The following SHISA9 variants were observed in gnomAD, a reference collection of about 807,000 sequenced individuals.
The protein encoded by SHISA9 is shisa family member 9, also known as protein shisa-9.
Under a neutral mutation model 38.0 loss-of-function variants are expected in SHISA9, and 13 were observed. The ratio of observed to expected loss-of-function variants is 0.34; its 90% CI spans 0.22 to 0.54. SHISA9 has a LOEUF of 0.54. SHISA9 is among the 20% of genes least tolerant of loss of function. The pLI is 0.91. For synonymous variants in SHISA9, 275 were observed against 242.0 expected (o/e 1.14, Z -1.27); for missense variants, 538 against 575.8 (o/e 0.93, Z 0.67).
chr16:13,503,499 G>A, the SHISA9 span, among the ~76,000 whole-genome samples: 1 of 152,144 alleles, frequency 6.6e-6, no homozygotes, highest in African/African-American at 2.4e-5. Context: ...TAATGTTTAA[G>A]ACATGGCTAC....
At chr16:13,093,256 A>G (rs146564173) in intron 2 of SHISA9, among the ~76,000 whole-genome samples, 3 of 152,184 alleles carry the variant, frequency 2.0e-5, no homozygotes, top group Non-Finnish European at 4.4e-5. Flanking sequence ...AGAAACTTCT[A>G]TCGTAGATCC....
the SHISA9 span, among the ~76,000 whole-genome samples, chr16:13,351,591 A>T: frequency 6.6e-6 from 1 of 152,162 alleles, no homozygotes; most frequent in Non-Finnish European, 1.5e-5. Context: ...GGATAAATCA[A>T]CACTTGCCCA....
intron 2 of SHISA9, among the ~76,000 whole-genome samples, chr16:13,156,029 C>T (rs959990682): frequency 1.3e-5 from 2 of 152,138 alleles, no homozygotes; most frequent in Admixed American, 6.5e-5. Flanking sequence ...AGCAAAAAAA[C>T]GCAAGCTGGG....
At chr16:13,203,617 CT>C in intron 3 of SHISA9, 68 bp downstream of exon 3, 1 of 1,363,020 alleles carries the variant, frequency 7.3e-7, no homozygotes. Context: ...TCTTGTAGAT[CT>C]CTTTATCTCC....
the SHISA9 span, among the ~76,000 whole-genome samples, chr16:13,537,671 T>A: frequency 6.2e-4 from 95 of 152,270 alleles, no homozygotes; most frequent in African/African-American, 2.2e-3. Flanking sequence ...GTGGGACAAT[T>A]GTATCTTGAT....
the SHISA9 span, among the ~76,000 whole-genome samples, chr16:13,342,829 T>C: frequency 1.3e-5 from 2 of 152,108 alleles, no homozygotes; most frequent in Non-Finnish European, 2.9e-5. Context: ...CACCATACTT[T>C]CCTGGCAACA....
chr16:13,018,970 C>G (rs1351074317), intron 2 of SHISA9, among the ~76,000 whole-genome samples: 1 of 152,188 alleles, frequency 6.6e-6, no homozygotes, highest in Non-Finnish European at 1.5e-5. Context: ...GTATCATAGA[C>G]TGAGTGCCTT....
rs58309847 is a variant in SHISA9 at position 12,974,479 on chromosome 16, G to GTTTT, written c.691+57688_691+57691dup. Among the ~76,000 whole-genome samples, 27 of 91,784 alleles carry GTTTT rather than the reference G, an allele frequency of 2.9e-4. 3 individuals carry two copies. The highest frequency in any genetic ancestry group is 1.2e-3 in the African/African-American group (27 of 23,262). 60.2% of individuals were successfully genotyped at this position (91,784 alleles called of 152,430 possible). Reference sequence around the variant, plus strand: ...CATGGCTAGCAAGTGATTTCTGGTGGTTTTTTTTTTTTTTTTTTTTTTTTT... The same window carrying GTTTT: ...CATGGCTAGCAAGTGATTTCTGGTGGTTTTTTTTTTTTTTTTTTTTTTTTTTTTT... On this transcript the variant is annotated intron_variant, in intron 2 of 4. Transcript: ENST00000558583.
intron 2 of SHISA9, among the ~76,000 whole-genome samples, chr16:13,106,364 C>T (rs933403499): frequency 6.6e-6 from 1 of 152,222 alleles, no homozygotes; most frequent in East Asian, 1.9e-4. Flanking sequence ...CATCAGAGTC[C>T]ACCTCCACCA....
intron 2 of SHISA9, among the ~76,000 whole-genome samples, chr16:13,006,808 A>G (rs2072603569): frequency 6.6e-6 from 1 of 151,692 alleles, no homozygotes; most frequent in Admixed American, 6.6e-5. Context: ...ACAATTGTCC[A>G]CTCTCTGATC....
chr16:13,400,110 C>T, the SHISA9 span, among the ~76,000 whole-genome samples: 4 of 152,118 alleles, frequency 2.6e-5, no homozygotes, highest in Non-Finnish European at 4.4e-5. Flanking sequence ...TTGGCCCTCA[C>T]GTGAAGCAGG....
chr16:13,077,703 G>A (rs1264756340), intron 2 of SHISA9, among the ~76,000 whole-genome samples: 1 of 152,132 alleles, frequency 6.6e-6, no homozygotes, highest in African/African-American at 2.4e-5. Context: ...TCTCAGGTGG[G>A]CATAACTGGC....
At chr16:13,106,841 C>A (rs1156688814) in intron 2 of SHISA9, among the ~76,000 whole-genome samples, 2 of 152,168 alleles carry the variant, frequency 1.3e-5, no homozygotes, top group Non-Finnish European at 2.9e-5. Context: ...AAGGATTTTT[C>A]TGAGAATGAA....
At chr16:13,335,435 T>C in the SHISA9 span, among the ~76,000 whole-genome samples, 1 of 152,154 alleles carries the variant, frequency 6.6e-6, no homozygotes, top group African/African-American at 2.4e-5. Context: ...CCTACCCCCC[T>C]TTAAAGGTGA....
chr16:13,541,083 G>A, the SHISA9 span, among the ~76,000 whole-genome samples: 1 of 152,172 alleles, frequency 6.6e-6, no homozygotes, highest in Non-Finnish European at 1.5e-5. Flanking sequence ...GACAAGCTGT[G>A]TGTTATTTTT....
the SHISA9 span, among the ~76,000 whole-genome samples, chr16:13,405,245 A>G: frequency 6.6e-6 from 1 of 152,230 alleles, no homozygotes; most frequent in African/African-American, 2.4e-5. Flanking sequence ...TTCATGGTGC[A>G]AAAGAAACCC....
At chr16:13,022,492 C>T (rs1395085555) in intron 2 of SHISA9, among the ~76,000 whole-genome samples, 3 of 152,072 alleles carry the variant, frequency 2.0e-5, no homozygotes, top group Non-Finnish European at 2.9e-5. Context: ...CCACCACACC[C>T]GGCTAATTTT....
chr16:13,117,700 G>A (rs1039111414), intron 2 of SHISA9, among the ~76,000 whole-genome samples: 1 of 152,152 alleles, frequency 6.6e-6, no homozygotes, highest in African/African-American at 2.4e-5. Flanking sequence ...AAGGGGCATG[G>A]CCCTGCCAAC....
chr16:13,268,329 G>A, the SHISA9 span, among the ~76,000 whole-genome samples: 1 of 152,158 alleles, frequency 6.6e-6, no homozygotes, highest in East Asian at 1.9e-4. Flanking sequence ...GACCAACATG[G>A]TGAAACCCTG....
Sources: allele counts gnomAD v4.1 joint callset (sites outside exome capture counted in the v4.1 genomes callset), GRCh38; gene constraint gnomAD v4.1.1; transcripts MANE v1.5; gene names NCBI Gene and HGNC (gene_info 2026-07-23, HGNC 2026-07-21).